ZNF521: variants seen among roughly 807,000 people sequenced by gnomAD.
ZNF521 encodes zinc finger protein 521.
In ZNF521, 14 loss-of-function variants were observed where a neutral mutation model predicts 105.5. The observed-to-expected ratio is 0.13, with a 90% CI of 0.09 to 0.21. The LOEUF (loss-of-function observed/expected upper bound fraction) is 0.21, where lower values mean the gene tolerates loss of function less well. ZNF521 is among the 10% of genes least tolerant of loss of function. ZNF521 has a pLI of 1.00. For synonymous variants in ZNF521, 635 were observed against 606.0 expected (o/e 1.05, Z -0.70); for missense variants, 1,233 against 1,629.7 (o/e 0.76, Z 4.19).
In ZNF521 at chr18:25,225,398, G is replaced by C. The variant is rs774276296; in HGVS notation, c.2520C>G (p.Pro840=). 64 of 1,614,010 alleles carry C rather than the reference G, an allele frequency of 4.0e-5. 1 individual carries two copies. Among genetic ancestry groups the C allele is most frequent in the Middle Eastern group, 1.6e-4 (1 of 6,084 alleles). Residue 840 remains proline (P), a synonymous_variant, in exon 4 of 8, where the codon CCC becomes CCG. Coordinates refer to ENST00000361524, the MANE Select transcript of ZNF521 (RefSeq NM_015461.3). This position sits in a 1 kb window ranked among gnomAD's most constrained non-coding sequence, Gnocchi z 5.6. The stretch of plus-strand genomic sequence containing the variant: ...CGGAAGCTCCATTTGTTCCACAGTT[G>C]GGTGTCTTGGTTTCGAATACACAGT... ...EKHCVFETKT[P]NCGTNGASEQ... is the part of the protein sequence containing the mutation.
At chr18:25,340,077 T>C (rs1914110421) in intron 2 of ZNF521, among the ~76,000 whole-genome samples, 1 of 152,054 alleles carries the variant, frequency 6.6e-6, no homozygotes, top group Non-Finnish European at 1.5e-5. Context: ...CACACTTTGG[T>C]AGGTTGTGGT....
chr18:25,196,973 C>G (rs1002462394), intron 4 of ZNF521, among the ~76,000 whole-genome samples: 2 of 151,658 alleles, frequency 1.3e-5, no homozygotes, highest in African/African-American at 4.8e-5. Context: ...AAACTGTCTC[C>G]AAAAATGATG....
chr18:25,231,833 C>A (rs1412382833), intron 3 of ZNF521, among the ~76,000 whole-genome samples: 2 of 152,136 alleles, frequency 1.3e-5, no homozygotes, highest in African/African-American at 4.8e-5. Context: ...AAGATTGATT[C>A]CAACACTAGG....
chr18:25,225,497 C>T lies in ZNF521; in HGVS notation c.2421G>A (p.Lys807=). 1 of 1,614,204 alleles carries T rather than the reference C, an allele frequency of 6.2e-7. No individual in the cohort carries two copies. The highest frequency in any genetic ancestry group is 8.5e-7 in the Non-Finnish European group (1 of 1,180,010). ...ELQCHITTHS[K]KYNCKFCSKA... The stretch of plus-strand genomic sequence containing the variant: ...TGCTACAGAACTTGCAGTTGTACTT[C>T]TTACTGTGAGTGGTGATGTGGCATT... Residue 807 remains lysine (K), a synonymous_variant, in exon 4 of 8, where the codon AAG becomes AAA. Transcript: ENST00000361524. The surrounding 1 kb of genome is among the most constrained non-coding windows in gnomAD (Gnocchi z 5.6).
chr18:25,279,964 A>G (rs1364952849), intron 3 of ZNF521, among the ~76,000 whole-genome samples: 1 of 152,208 alleles, frequency 6.6e-6, no homozygotes, highest in African/African-American at 2.4e-5. Context: ...AATGTCACAA[A>G]CTGCAGTGAT....
chr18:25,138,105 A>G (rs1253404387), intron 5 of ZNF521, among the ~76,000 whole-genome samples: 1 of 152,102 alleles, frequency 6.6e-6, no homozygotes, highest in African/African-American at 2.4e-5. Context: ...ACTTCCTGGG[A>G]GACTGAGGAA....
chr18:25,321,982 AC>A, intron 3 of ZNF521, 25 bp downstream of exon 3: 1 of 1,605,882 alleles, frequency 6.2e-7, no homozygotes, highest in Non-Finnish European at 8.5e-7. Flanking sequence ...GTACAAGAAG[AC>A]AAAAAAGTGA....
In ZNF521 at chr18:25,297,008, T is replaced by C. The variant is rs142604662; in HGVS notation, c.220+25000A>G. ...TCTGTATTTGTTAAGTGTGTATGTG[T>C]GGTCACCCCATAAATTGTAAAGCCT... is the stretch of plus-strand genomic sequence containing the variant. On this transcript the variant is annotated intron_variant, in intron 3 of 7. Transcript: ENST00000361524. 5.9e-5 allele frequency among the ~76,000 whole-genome samples: 9 copies of C among 152,168 alleles called. No homozygotes were observed. The East Asian group carries it at 9.6e-4, about 16-fold the overall frequency.
chr18:25,093,434 T>C (rs1312912321), intron 5 of ZNF521, among the ~76,000 whole-genome samples: 6 of 152,326 alleles, frequency 3.9e-5, no homozygotes, highest in Non-Finnish European at 1.5e-5. Flanking sequence ...GGGTAACAAG[T>C]CTACACTGCA....
chr18:25,256,827 G>A (rs1052204432), intron 3 of ZNF521, among the ~76,000 whole-genome samples: 1 of 152,036 alleles, frequency 6.6e-6, no homozygotes, highest in Non-Finnish European at 1.5e-5. Context: ...TTAAAACTGA[G>A]TTCACTATGG....
chr18:25,266,881 T>A (rs1388506362), intron 3 of ZNF521, among the ~76,000 whole-genome samples: 1 of 152,128 alleles, frequency 6.6e-6, no homozygotes, highest in Admixed American at 6.5e-5. Flanking sequence ...TGTTTTTGTT[T>A]CTTTTTTTCC....
At chr18:25,281,013 C>T (rs1419959720) in intron 3 of ZNF521, among the ~76,000 whole-genome samples, 1 of 152,178 alleles carries the variant, frequency 6.6e-6, no homozygotes, top group East Asian at 1.9e-4. Flanking sequence ...TCAATCCTTA[C>T]ACCTGTCTTG....
intron 5 of ZNF521, among the ~76,000 whole-genome samples, chr18:25,104,269 A>T (rs976085413): frequency 1.3e-5 from 2 of 152,158 alleles, no homozygotes; most frequent in Non-Finnish European, 2.9e-5. Context: ...GCTGATAATG[A>T]CTCTCCTAAC....
Position 25,225,020 on chromosome 18 carries a change from C to A in ZNF521, c.2898G>T (p.Glu966Asp), listed in dbSNP as rs1449598056. 1.2e-6 allele frequency: 2 copies of A among 1,614,186 alleles called. No individual in the cohort carries two copies. Among genetic ancestry groups the A allele is most frequent in the African/African-American group, 1.3e-5 (1 of 75,056 alleles). Residue 966 changes from glutamate (E) to aspartate (D), a missense_variant, in exon 4 of 8, where the codon GAG becomes GAT. Coordinates refer to ENST00000361524, the MANE Select transcript of ZNF521 (RefSeq NM_015461.3). The surrounding 1 kb of genome is among the most constrained non-coding windows in gnomAD (Gnocchi z 5.6). ...TAAGAGTTAAAAGGGAGGGAAACCG[C>A]TCTCCGCAAATAGGGCACATGTAGT... Reference protein sequence around the residue: ...VKHYMCPICGERFPSLLTLTE... With the variant: ...VKHYMCPICGDRFPSLLTLTE...
chr18:25,116,888 CGTATATATATATGTGTATATAT>C (rs2034318934), intron 5 of ZNF521, among the ~76,000 whole-genome samples: 1 of 133,978 alleles, frequency 7.5e-6, no homozygotes, highest in African/African-American at 2.9e-5. Flanking sequence ...TATATATATA[CGTATATATATATGTGTATATAT>C]ACGTATATCT....
chr18:25,091,167 C>T lies in ZNF521; in HGVS notation c.3790+783G>A, dbSNP rs113618743. ...GAAGGATATATTCTCCCTCCTCCAA[C>T]AAATAAAAAGGCATTGCTTGAGGGG... On this transcript the variant is annotated intron_variant, in intron 6 of 7. Transcript: ENST00000361524. Among the ~76,000 whole-genome samples, 574 of 152,250 alleles carry T rather than the reference C, an allele frequency of 3.8e-3. 6 individuals carry two copies. Among genetic ancestry groups the T allele is most frequent in the African/African-American group, 0.013 (529 of 41,564 alleles).
rs547870587 is a variant in ZNF521, at chr18:25,298,420, T to C, written c.220+23588A>G. On this transcript the variant is annotated intron_variant, in intron 3 of 7. Transcript: ENST00000361524. ...GACTTTAGGCTCCTTAGGGCATCTC[T>C]CTCTCTCTAGCTGCTATTGCCAAAG... Among the ~76,000 whole-genome samples the C allele has an allele frequency of 3.3e-4, 50 of 152,240 alleles. No individual in the cohort carries two copies. In the Middle Eastern group the frequency reaches 0.017, roughly 52 times the overall value.
At chr18:25,095,804 G>C (rs2033840396) in intron 5 of ZNF521, among the ~76,000 whole-genome samples, 1 of 152,186 alleles carries the variant, frequency 6.6e-6, no homozygotes, top group Admixed American at 6.5e-5. Context: ...CACAAGGAAA[G>C]GGAGAAAGAA....
At chr18:25,241,455 A>G (rs1250647928) in intron 3 of ZNF521, among the ~76,000 whole-genome samples, 1 of 152,136 alleles carries the variant, frequency 6.6e-6, no homozygotes, top group African/African-American at 2.4e-5. Context: ...ATTCCTCATA[A>G]TAGAATTACA....
Sources: allele counts gnomAD v4.1 joint callset (sites outside exome capture counted in the v4.1 genomes callset), GRCh38; gene constraint gnomAD v4.1.1; non-coding constraint Gnocchi (gnomAD v3.1); transcripts MANE v1.5; gene names NCBI Gene and HGNC (gene_info 2026-07-23, HGNC 2026-07-21).